Variants in MAPT observed in about 807,000 individuals in gnomAD.
MAPT encodes microtubule associated protein tau.
Under a neutral mutation model 67.9 loss-of-function variants are expected in MAPT, and 34 were observed. The ratio of observed to expected loss-of-function variants is 0.50; its 90% CI spans 0.38 to 0.67. MAPT has a LOEUF of 0.67. Among genes scored for constraint, MAPT ranks in the 30% least tolerant of loss-of-function variants. The pLI, the probability that MAPT is intolerant of heterozygous loss-of-function variation, is 0.00. For synonymous variants in MAPT, 456 were observed against 464.5 expected (o/e 0.98, Z 0.23); for missense variants, 881 against 1,115.2 (o/e 0.79, Z 2.99).
At chr17:45,899,964 G>A (rs574596717) in intron 1 of MAPT, among the ~76,000 whole-genome samples, 24 of 152,286 alleles carry the variant, frequency 1.6e-4, no homozygotes, top group East Asian at 5.8e-4. Flanking sequence ...GGATCAAGAC[G>A]TAGATTCAGT....
rs372299656 is a variant in MAPT at position 45,978,390 on chromosome 17, T to C, written c.236T>C (p.Ile79Thr). 3.7e-6 allele frequency: 6 copies of C among 1,613,526 alleles called. No homozygotes were observed. Among genetic ancestry groups the C allele is most frequent in the Non-Finnish European group, 4.2e-6 (5 of 1,179,892 alleles). Reference sequence around the variant, plus strand: ...CATACACCAGCTGAAGAAGCAGGCATTGGAGACACCCCCAGCCTGGAAGAC... The same window carrying C: ...CATACACCAGCTGAAGAAGCAGGCACTGGAGACACCCCCAGCCTGGAAGAC... The part of the protein sequence containing the change: ...TPTAEAEEAG[I>T]GDTPSLEDEA... Residue 79 changes from isoleucine to threonine, a missense_variant, in exon 4 of 13, where the codon ATT becomes ACT. Physicochemically the swap from Ile to Thr is moderately conservative, Grantham distance 89. This residue lies in a region of MAPT where 687 missense variants were observed against 766.1 expected (regional missense o/e 0.90). Transcript: ENST00000262410.
chr17:45,933,845 T>TC (rs2067086006), intron 1 of MAPT, among the ~76,000 whole-genome samples: 1 of 151,356 alleles, frequency 6.6e-6, no homozygotes, highest in South Asian at 2.1e-4. Context: ...TTCTGATTTT[T>TC]TTTTTTTTTT....
intron 2 of MAPT, among the ~76,000 whole-genome samples, chr17:45,964,826 G>C (rs2070869859): frequency 6.6e-6 from 1 of 151,220 alleles, no homozygotes; most frequent in South Asian, 2.1e-4. Flanking sequence ...TTTCTCTGCT[G>C]TTTCTCGTCC....
chr17:45,983,023 C>T lies in MAPT; in HGVS notation c.444C>T (p.Thr148=), dbSNP rs953427852. ...AGCCAGAAGCTCCCGTCCCGCTGAC[C>T]GCGAGCCTTCCTCAGCACCGTCCCG... ...EKEPEAPVPL[T]ASLPQHRPVC... Residue 148 remains threonine, a synonymous_variant, in exon 5 of 13, where the codon ACC becomes ACT. Transcript: ENST00000262410. The T allele has an allele frequency of 1.9e-4, 281 of 1,474,952 alleles. No homozygotes were observed. The highest frequency in any genetic ancestry group is 2.9e-4 in the Admixed American group (12 of 41,748). 91.4% of individuals were successfully genotyped at this position (1,474,952 alleles called of 1,614,324 possible).
rs73314921 is a variant in MAPT at position 45,957,653 on chromosome 17, G to A, written c.-17-4668G>A. Among the ~76,000 whole-genome samples, 306 of 152,282 alleles carry A rather than the reference G, an allele frequency of 2.0e-3. 4 individuals are homozygous for A. Among genetic ancestry groups the A allele is most frequent in the African/African-American group, 7.2e-3 (297 of 41,530 alleles). On this transcript the variant is annotated intron_variant, in intron 1 of 12. Coordinates refer to ENST00000262410, the MANE Select transcript of MAPT (RefSeq NM_001377265.1). Reference sequence around the variant, plus strand: ...GGCCCATTCACAAAAGCGACATAAAGCCCAGGGAGACGTGGCCGTGGCAAG... The same window carrying A: ...GGCCCATTCACAAAAGCGACATAAAACCCAGGGAGACGTGGCCGTGGCAAG...
intron 1 of MAPT, among the ~76,000 whole-genome samples, chr17:45,941,656 A>ACCCTTCCACCCTTCCC (rs1568207091): frequency 2.8e-4 from 3 of 10,536 alleles, no homozygotes. Flanking sequence ...CCCCCCTTCC[A>ACCCTTCCACCCTTCCC]CCCTTCCCCC....
At chr17:45,913,418 G>A (rs1291535929) in intron 1 of MAPT, among the ~76,000 whole-genome samples, 2 of 152,214 alleles carry the variant, frequency 1.3e-5, no homozygotes, top group Non-Finnish European at 2.9e-5. Context: ...TACCATATCA[G>A]TTACCAACCC....
At chr17:45,941,137 G>T (rs562943701) in intron 1 of MAPT, among the ~76,000 whole-genome samples, 1 of 152,274 alleles carries the variant, frequency 6.6e-6, no homozygotes, top group South Asian at 2.1e-4. Context: ...CAGGCCAGCT[G>T]GGAGGCCACA....
At chr17:45,999,256 G>A in intron 9 of MAPT, 1 of 1,606,710 alleles carries the variant, frequency 6.2e-7, no homozygotes, top group Admixed American at 1.7e-5. Flanking sequence ...CTGAGCATGT[G>A]TCTGCTGCTC....
At chr17:45,960,864 G>T (rs944798571) in intron 1 of MAPT, among the ~76,000 whole-genome samples, 1 of 150,068 alleles carries the variant, frequency 6.7e-6, no homozygotes, top group Admixed American at 6.6e-5. Flanking sequence ...AAAAATTCAG[G>T]CCTCCTATAG....
chr17:45,980,467 G>T (rs1043716644), intron 4 of MAPT: 1 of 148,734 alleles, frequency 6.7e-6, no homozygotes, highest in African/African-American at 2.5e-5. Flanking sequence ...TCATGCCACT[G>T]CACTCCAGCC....
At chr17:45,977,640 G>C (rs891146350) in intron 3 of MAPT, 1 of 152,306 alleles carries the variant, frequency 6.6e-6, no homozygotes, top group African/African-American at 2.4e-5. Flanking sequence ...GGGGTGAGCT[G>C]TGGCTTCCTA....
intron 4 of MAPT, among the ~76,000 whole-genome samples, chr17:45,980,840 G>A (rs1385755025): frequency 6.6e-6 from 1 of 152,212 alleles, no homozygotes; most frequent in Non-Finnish European, 1.5e-5. Context: ...CTGGCGCTCA[G>A]GCTCAGGGTT....
intron 1 of MAPT, among the ~76,000 whole-genome samples, chr17:45,914,905 T>C (rs1288935392): frequency 6.6e-6 from 1 of 151,734 alleles, no homozygotes; most frequent in Non-Finnish European, 1.5e-5. Flanking sequence ...TTAATCAAGA[T>C]GGAGTTTTTC....
Position 45,996,758 on chromosome 17 carries a change from C to T in MAPT, c.1998+94C>T, listed in dbSNP as rs1170377203. 19 of 1,527,006 alleles carry T rather than the reference C, an allele frequency of 1.2e-5. No individual in the cohort carries two copies. Among genetic ancestry groups the T allele is most frequent in the Admixed American group, 2.0e-5 (1 of 50,332 alleles). The allele number at this position is 1,527,006 out of a possible 1,614,324, so 94.6% of individuals were successfully genotyped here. A position where few individuals can be genotyped will look rare whatever the true frequency, so the allele number is the denominator to read the frequency against. On this transcript the variant is annotated intron_variant, in intron 9 of 12. Coordinates refer to ENST00000262410, the MANE Select transcript of MAPT (RefSeq NM_001377265.1). This position sits in a 1 kb window ranked among gnomAD's most constrained non-coding sequence, Gnocchi z 4.5. ...GGGTAGGGCTGCGCCTGGAGGTGCG[C>T]GGTTGAGCGTGGAGTCGTGGGACTG...
In MAPT at chr17:45,896,439, G is replaced by C. The variant is rs2063231267; in HGVS notation, c.-18+1753G>C. 6.6e-6 allele frequency: 1 copy of C among 152,290 alleles called. No homozygotes were observed. Among genetic ancestry groups the C allele is most frequent in the African/African-American group, 2.4e-5 (1 of 41,468 alleles). The allele number at this position is 152,290 out of a possible 1,614,324, so 9.4% of individuals were successfully genotyped here. A position where few individuals can be genotyped will look rare whatever the true frequency, so the allele number is the denominator to read the frequency against. On this transcript the variant is annotated intron_variant, in intron 1 of 12. Coordinates refer to ENST00000262410, the MANE Select transcript of MAPT (RefSeq NM_001377265.1). The surrounding 1 kb of genome is among the most constrained non-coding windows in gnomAD (Gnocchi z 5.6). ...GCTTCGCCTGGCCGGAGAATGTGAG[G>C]AAGGGGCATAAGGTTACTGGTGCTT...
intron 9 of MAPT, among the ~76,000 whole-genome samples, chr17:45,997,954 C>T (rs1266382739): frequency 6.6e-6 from 1 of 152,088 alleles, no homozygotes; most frequent in Admixed American, 6.5e-5. Flanking sequence ...CCCAGGACCC[C>T]GCTCCCGCCA....
At chr17:45,944,436 C>T (rs1257961080) in intron 1 of MAPT, among the ~76,000 whole-genome samples, 4 of 152,288 alleles carry the variant, frequency 2.6e-5, no homozygotes, top group Middle Eastern at 3.4e-3. Flanking sequence ...TGGTGCATTC[C>T]AGGAGAGGGG....
intron 11 of MAPT, among the ~76,000 whole-genome samples, chr17:46,014,937 A>G (rs2076073501): frequency 6.6e-6 from 1 of 151,920 alleles, no homozygotes; most frequent in South Asian, 2.1e-4. Flanking sequence ...GATAGAGAAT[A>G]GAAGGATGGT....
Sources: gnomAD v4.1 joint callset for allele counts (sites outside exome capture counted in the v4.1 genomes callset) on GRCh38, gnomAD v4.1.1 for gene constraint, gnomAD v4.1.1 regional missense constraint, Gnocchi (gnomAD v3.1) non-coding constraint, MANE v1.5 for transcripts, NCBI Gene and HGNC (gene_info 2026-07-23, HGNC 2026-07-21) for gene names.